Variants in RNFT2 observed in about 807,000 individuals in gnomAD.
The protein encoded by RNFT2 is ring finger protein, transmembrane 2.
RNFT2 carries 36 observed loss-of-function variants against 53.0 expected under a neutral mutation model. The observed-to-expected ratio is 0.68, with a 90% confidence interval of 0.52 to 0.90. The LOEUF is 0.90. Ranked by LOEUF, RNFT2 falls within the 40% of genes least tolerant of loss-of-function variation. RNFT2 has a pLI of 0.00. For missense variants in RNFT2, 514 were observed against 585.6 expected, an observed-to-expected ratio of 0.88 and a Z score of 1.26; for synonymous variants, 260 against 253.2, an observed-to-expected ratio of 1.03 and a Z score of -0.26.
intron 7 of RNFT2, among the ~76,000 whole-genome samples, chr12:116,803,135 A>T (rs1257994752): frequency 6.6e-6 from 1 of 152,034 alleles, no homozygotes; most frequent in Non-Finnish European, 1.5e-5. Flanking sequence ...TGTTTATGCC[A>T]CTTGTATTTG....
At chr12:116,783,714 T>C (rs1873809299) in intron 7 of RNFT2, among the ~76,000 whole-genome samples, 1 of 152,242 alleles carries the variant, frequency 6.6e-6, no homozygotes, top group South Asian at 2.1e-4. Context: ...TTAGCACCTG[T>C]TGGCTGCTGG....
At chr12:116,739,530 C>T (rs186041209) in intron 1 of RNFT2, among the ~76,000 whole-genome samples, 205 of 152,214 alleles carry the variant, frequency 1.3e-3, no homozygotes, top group East Asian at 8.9e-3. Context: ...GGCAATATTA[C>T]GGGGAGTCAG....
At chr12:116,832,696 A>G (rs2137200658) in intron 7 of RNFT2, among the ~76,000 whole-genome samples, 1 of 152,278 alleles carries the variant, frequency 6.6e-6, no homozygotes, top group South Asian at 2.1e-4. Flanking sequence ...GGACTTGTCC[A>G]AGGTCAAGGG....
intron 7 of RNFT2, among the ~76,000 whole-genome samples, chr12:116,824,917 G>A (rs1876244379): frequency 1.3e-5 from 2 of 152,122 alleles, no homozygotes; most frequent in South Asian, 4.1e-4. Flanking sequence ...GCCTTAGATG[G>A]TACTTTAGTT....
rs1872086533 is a variant in RNFT2, at chr12:116,749,826, C to G, written c.84-15C>G. ...CTGCCTGACTTCCTGGGGTTTCTCTCCCCTTGGCACCCAGAAACCGCAGCC... is the reference window on the plus strand; with the variant it reads ...CTGCCTGACTTCCTGGGGTTTCTCTGCCCTTGGCACCCAGAAACCGCAGCC... On this transcript the variant is annotated splice_polypyrimidine_tract_variant and intron_variant, in intron 3 of 10. Coordinates refer to ENST00000257575, the MANE Select transcript of RNFT2 (RefSeq NM_001382266.1). 1 of 1,560,642 alleles carries G rather than the reference C, an allele frequency of 6.4e-7. No homozygotes were observed. The highest frequency in any genetic ancestry group is 8.7e-7 in the Non-Finnish European group (1 of 1,151,796).
At chr12:116,845,816 A>G (rs1592994462) in intron 10 of RNFT2, among the ~76,000 whole-genome samples, 1 of 151,680 alleles carries the variant, frequency 6.6e-6, no homozygotes, top group South Asian at 2.1e-4. Context: ...TCTCCCCTGC[A>G]CCCCCAACTA....
intron 7 of RNFT2, among the ~76,000 whole-genome samples, chr12:116,819,581 C>T (rs1328996294): frequency 6.6e-6 from 1 of 152,242 alleles, no homozygotes; most frequent in East Asian, 1.9e-4. Flanking sequence ...CCAGCCCGCG[C>T]CGCCAGGAGG....
chr12:116,759,414 T>A (rs139373884), intron 5 of RNFT2, among the ~76,000 whole-genome samples: 7,962 of 152,258 alleles, frequency 0.052, 260 homozygotes, highest in Middle Eastern at 0.088. Flanking sequence ...TAGTGTGATT[T>A]TGGGGGAGTG....
intron 10 of RNFT2, among the ~76,000 whole-genome samples, chr12:116,840,537 T>C (rs1241976049): frequency 6.6e-6 from 1 of 152,234 alleles, no homozygotes; most frequent in Non-Finnish European, 1.5e-5. Context: ...GCCAGGCCTG[T>C]GCACGTTGCC....
At chr12:116,792,242 G>C (rs1874274125) in intron 7 of RNFT2, among the ~76,000 whole-genome samples, 1 of 152,078 alleles carries the variant, frequency 6.6e-6, no homozygotes, top group African/African-American at 2.4e-5. Flanking sequence ...TAGAGACGGG[G>C]TTTCACCATG....
chr12:116,798,225 CA>C (rs201001033), intron 7 of RNFT2, among the ~76,000 whole-genome samples: 3,595 of 138,692 alleles, frequency 0.026, 140 homozygotes, highest in African/African-American at 0.082. Context: ...GACTCTGTCT[CA>C]AAAAAAAAAA....
At chr12:116,800,026 G>T (rs1188940409) in intron 7 of RNFT2, among the ~76,000 whole-genome samples, 1 of 152,140 alleles carries the variant, frequency 6.6e-6, no homozygotes, top group Non-Finnish European at 1.5e-5. Context: ...CTGTTTAAAA[G>T]AGCCTGGCAT....
At chr12:116,767,743 C>T (rs564201042) in intron 6 of RNFT2, among the ~76,000 whole-genome samples, 1 of 151,872 alleles carries the variant, frequency 6.6e-6, no homozygotes, top group Non-Finnish European at 1.5e-5. Context: ...CCACGCCCAG[C>T]GAATTTTTGT....
chr12:116,788,805 A>G (rs1003461302), intron 7 of RNFT2, among the ~76,000 whole-genome samples: 11 of 130,278 alleles, frequency 8.4e-5, no homozygotes, highest in Non-Finnish European at 1.6e-4. Flanking sequence ...ATCATCTGGG[A>G]AGTTTGGTGG....
chr12:116,815,396 T>G (rs1296718461), intron 7 of RNFT2, among the ~76,000 whole-genome samples: 1 of 152,246 alleles, frequency 6.6e-6, no homozygotes, highest in Non-Finnish European at 1.5e-5. Context: ...TCTGTGTCAC[T>G]GGGCTAAAGC....
At chr12:116,841,806 AATATATATATAAAAATATAT>A in intron 10 of RNFT2, among the ~76,000 whole-genome samples, 1 of 88,124 alleles carries the variant, frequency 1.1e-5, no homozygotes, top group South Asian at 3.1e-4. Context: ...TATATATATA[AATATATATATAAAAATATAT>A]ATATATAAAT....
chr12:116,803,576 A>C (rs959699345), intron 7 of RNFT2, among the ~76,000 whole-genome samples: 1 of 152,070 alleles, frequency 6.6e-6, no homozygotes, highest in African/African-American at 2.4e-5. Flanking sequence ...GCTGTCAACA[A>C]CACCAAAGTC....
chr12:116,741,357 C>T (rs1490663312), intron 3 of RNFT2, among the ~76,000 whole-genome samples: 1 of 152,168 alleles, frequency 6.6e-6, no homozygotes, highest in Non-Finnish European at 1.5e-5. Context: ...TGTCTTAGTC[C>T]ATACAGGCTG....
chr12:116,842,442 C>T (rs973541519), intron 10 of RNFT2, among the ~76,000 whole-genome samples: 3 of 152,146 alleles, frequency 2.0e-5, no homozygotes, highest in Non-Finnish European at 4.4e-5. Flanking sequence ...ACCTTGGGCG[C>T]ACAGCTCCCC....
Sources: allele counts gnomAD v4.1 joint callset (sites outside exome capture counted in the v4.1 genomes callset), GRCh38; gene constraint gnomAD v4.1.1; transcripts MANE v1.5; gene names NCBI Gene and HGNC (gene_info 2026-07-23, HGNC 2026-07-21).